FAM222B: variants seen among roughly 807,000 people sequenced by gnomAD.
The protein encoded by FAM222B is family with sequence similarity 222 member B, also known as protein FAM222B.
A neutral mutation model predicts 38.0 loss-of-function variants in FAM222B; 12 were observed. That is an observed-to-expected ratio of 0.32 (90% CI 0.20 to 0.51). The LOEUF is 0.51. Ranked by LOEUF, FAM222B falls within the 20% of genes least tolerant of loss-of-function variation. The probability of loss-of-function intolerance (pLI) is 0.97; values close to 1 mark genes in which losing one functional copy is unlikely to be tolerated. For synonymous variants in FAM222B, 329 were observed against 317.2 expected, an observed-to-expected ratio of 1.04 and a Z score of -0.40; for missense variants, 716 against 754.2, an observed-to-expected ratio of 0.95 and a Z score of 0.59.
chr17:28,832,699 G>T (rs1233344414), intron 1 of FAM222B, among the ~76,000 whole-genome samples: 1 of 152,170 alleles, frequency 6.6e-6, no homozygotes, highest in African/African-American at 2.4e-5. Flanking sequence ...GTATGAAGGA[G>T]AAAACACTAA....
chr17:28,854,918 T>G, intron 1 of FAM222B: 9 of 1,139,268 alleles, frequency 7.9e-6, no homozygotes, highest in South Asian at 3.3e-5. Context: ...CCACATCCCA[T>G]GTGTCTCGGC....
intron 1 of FAM222B, among the ~76,000 whole-genome samples, chr17:28,822,514 C>CT (rs1315780197): frequency 1.3e-5 from 2 of 150,840 alleles, no homozygotes; most frequent in African/African-American, 4.9e-5. Context: ...AATCCCAGCA[C>CT]TTTTGGGAGA....
At chr17:28,804,683 G>A (rs1367450981) in intron 1 of FAM222B, among the ~76,000 whole-genome samples, 2 of 152,020 alleles carry the variant, frequency 1.3e-5, no homozygotes, top group Non-Finnish European at 2.9e-5. Flanking sequence ...CTGTCCCAAG[G>A]ATACTACATT....
intron 1 of FAM222B, among the ~76,000 whole-genome samples, chr17:28,848,296 G>A (rs965969685): frequency 1.3e-5 from 2 of 152,148 alleles, no homozygotes; most frequent in Admixed American, 1.3e-4. Context: ...GCTAGAGAAT[G>A]TTATACGCTG....
intron 1 of FAM222B, among the ~76,000 whole-genome samples, chr17:28,796,560 A>C (rs1320735014): frequency 6.6e-6 from 1 of 152,190 alleles, no homozygotes; most frequent in Admixed American, 6.6e-5. Flanking sequence ...CTATGCACTA[A>C]ATGCATCATG....
intron 2 of FAM222B, among the ~76,000 whole-genome samples, chr17:28,760,891 T>C (rs2151762367): frequency 6.6e-6 from 1 of 152,338 alleles, no homozygotes; most frequent in South Asian, 2.1e-4. Flanking sequence ...TTCACTTTTG[T>C]TTACAGTTTA....
rs141642624 is a variant in FAM222B, at chr17:28,799,730, C to T, written c.-40-33023G>A. 5.1e-4 allele frequency among the ~76,000 whole-genome samples: 78 copies of T among 152,224 alleles called. No homozygotes were observed. In the East Asian group the frequency reaches 0.015, roughly 29 times the overall value. ...TCAAGTGATCCTCCTGCCTCAATCTCCTGAGTAAGCTGGGACTACAGGTGA... is the reference window on the plus strand; with the variant it reads ...TCAAGTGATCCTCCTGCCTCAATCTTCTGAGTAAGCTGGGACTACAGGTGA... On this transcript the variant is annotated intron_variant, in intron 1 of 2. Coordinates refer to ENST00000581407, the MANE Select transcript of FAM222B (RefSeq NM_001077498.3).
At position 28,758,721 on chromosome 17, in the gene FAM222B, T is replaced by A; in HGVS notation, c.1238A>T (p.Glu413Val). ...FVGKAPAYPQELCLAQSFHLK... is the reference protein window; with the variant it reads ...FVGKAPAYPQVLCLAQSFHLK... ...ATGGAAGGACTGCGCCAGGCAGAGT[T>A]CCTGCGGGTAGGCAGGGGCCTTGCC... The change falls in exon 3 of 3, where the codon GAA becomes GTA. Residue 413 changes from glutamate (E) to valine (V), a missense_variant. Glu to Val is a moderately radical substitution (Grantham distance 121). Coordinates refer to ENST00000581407, the MANE Select transcript of FAM222B (RefSeq NM_001077498.3). 1 of 1,589,114 alleles carries A rather than the reference T, an allele frequency of 6.3e-7. No homozygotes were observed. The highest frequency in any genetic ancestry group is 8.6e-7 in the Non-Finnish European group (1 of 1,165,556).
At chr17:28,818,294 C>T (rs936703474) in intron 1 of FAM222B, among the ~76,000 whole-genome samples, 11 of 151,838 alleles carry the variant, frequency 7.2e-5, no homozygotes, top group Non-Finnish European at 1.2e-4. Context: ...TTTGGGAGGC[C>T]GAGGTGGGCG....
At chr17:28,803,945 C>T (rs1000105876) in intron 1 of FAM222B, among the ~76,000 whole-genome samples, 1 of 151,792 alleles carries the variant, frequency 6.6e-6, no homozygotes, top group Admixed American at 6.6e-5. Context: ...CATGCCACTG[C>T]GCTCCAGCCT....
chr17:28,814,991 C>G (rs2037959607), intron 1 of FAM222B, among the ~76,000 whole-genome samples: 1 of 150,682 alleles, frequency 6.6e-6, no homozygotes, highest in South Asian at 2.1e-4. Context: ...CCAGGCTGAT[C>G]TCGAACTCCA....
intron 1 of FAM222B, among the ~76,000 whole-genome samples, chr17:28,851,395 G>A (rs1053520778): frequency 6.6e-6 from 1 of 151,792 alleles, no homozygotes; most frequent in South Asian, 2.1e-4. Context: ...TTAGCCGGGC[G>A]TGGTGGCAGA....
At chr17:28,769,454 T>G (rs1212782220) in intron 1 of FAM222B, among the ~76,000 whole-genome samples, 8 of 152,136 alleles carry the variant, frequency 5.3e-5, no homozygotes, top group Non-Finnish European at 4.4e-5. Flanking sequence ...GTGCTGGGAT[T>G]ACAGGCGTAA....
At chr17:28,778,682 TG>T (rs1389911445) in intron 1 of FAM222B, among the ~76,000 whole-genome samples, 784 of 74,284 alleles carry the variant, frequency 0.011, 50 homozygotes, top group African/African-American at 0.042. Flanking sequence ...TTTTTTTTTG[TG>T]TGTGTGTGTG....
chr17:28,773,554 T>G (rs1377005729), intron 1 of FAM222B, among the ~76,000 whole-genome samples: 1 of 149,244 alleles, frequency 6.7e-6, no homozygotes, highest in Non-Finnish European at 1.5e-5. Context: ...ATCCAAGCAC[T>G]TTGGGAGGCC....
rs1342087795 is a variant in FAM222B at position 28,758,385 on chromosome 17, C to T, written c.1574G>A (p.Cys525Tyr). 2 of 1,613,874 alleles carry T rather than the reference C, an allele frequency of 1.2e-6. No individual in the cohort carries two copies. Among genetic ancestry groups the T allele is most frequent in the South Asian group, 2.2e-5 (2 of 91,078 alleles). ...DYLSGDFQQA[C>Y]FREQSLAMLS... is the part of the protein sequence containing the mutation. ...CATGGCCAGGCTCTGTTCTCGGAAG[C>T]AGGCCTGTTGGAAATCCCCACTTAG... The change falls in exon 3 of 3, where the codon TGC becomes TAC. Residue 525 changes from cysteine to tyrosine, a missense_variant. By Grantham distance (194) the Cys-to-Tyr change is radical. Coordinates refer to ENST00000581407, the MANE Select transcript of FAM222B (RefSeq NM_001077498.3).
At chr17:28,809,725 C>T (rs1437986834) in intron 1 of FAM222B, among the ~76,000 whole-genome samples, 4 of 152,040 alleles carry the variant, frequency 2.6e-5, no homozygotes, top group African/African-American at 9.7e-5. Flanking sequence ...ACCTTAATCC[C>T]AACACTTTGG....
upstream of FAM222B, among the ~76,000 whole-genome samples, chr17:28,845,954 A>G (rs1293743260): frequency 6.6e-6 from 1 of 151,220 alleles, no homozygotes; most frequent in Admixed American, 6.6e-5. Context: ...CTGTAATCTC[A>G]GCACTTTGGG....
At chr17:28,769,883 C>G (rs2035540499) in intron 1 of FAM222B, among the ~76,000 whole-genome samples, 1 of 152,176 alleles carries the variant, frequency 6.6e-6, no homozygotes, top group African/African-American at 2.4e-5. Flanking sequence ...CCCCAGATGT[C>G]TACTTATTTT....
Sources: allele counts gnomAD v4.1 joint callset (sites outside exome capture counted in the v4.1 genomes callset), GRCh38; gene constraint gnomAD v4.1.1; transcripts MANE v1.5; gene names NCBI Gene and HGNC (gene_info 2026-07-23, HGNC 2026-07-21).